Variants in ARL6IP6 observed in about 807,000 individuals in gnomAD.
The protein encoded by ARL6IP6 is ADP-ribosylation factor-like protein 6-interacting protein 6.
A neutral mutation model predicts 21.5 loss-of-function variants in ARL6IP6; 22 were observed. The observed-to-expected ratio is 1.02, with a 90% CI of 0.73 to 1.46. ARL6IP6 has a LOEUF of 1.46. Among genes scored for constraint, ARL6IP6 ranks in the 40% most tolerant of loss-of-function variants. The pLI is 0.00. For missense variants in ARL6IP6, 388 were observed against 299.8 expected (o/e 1.29, Z -2.17); for synonymous variants, 164 against 125.3 (o/e 1.31, Z -2.06).
Position 152,760,506 on chromosome 2 carries a change from A to G in ARL6IP6, c.*666A>G, listed in dbSNP as rs929458603. ...TTATTTTTTTAGCTAGTGCAAACCT[A>G]GTACCTGCCATTTTTACTAATTTTT... On this transcript the variant is annotated 3_prime_UTR_variant, in exon 4 of 4. Transcript: ENST00000326446. 1.3e-5 allele frequency: 2 copies of G among 151,978 alleles called. No individual in the cohort carries two copies. The allele number at this position is 151,978 out of a possible 1,614,324, so 9.4% of individuals were successfully genotyped here.
intron 3 of ARL6IP6, among the ~76,000 whole-genome samples, chr2:152,739,007 G>C (rs1700681979): frequency 6.6e-6 from 1 of 151,072 alleles, no homozygotes; most frequent in Admixed American, 6.6e-5. Flanking sequence ...TTGGGAGATG[G>C]AGTCTTGCTC....
At chr2:152,736,799 ATTTAC>A (rs1039713153) in intron 3 of ARL6IP6, among the ~76,000 whole-genome samples, 2 of 152,230 alleles carry the variant, frequency 1.3e-5, no homozygotes, top group Non-Finnish European at 2.9e-5. Context: ...TTTACACAGC[ATTTAC>A]TTTATATTAG....
chr2:152,759,074 GT>G (rs1701714356), intron 3 of ARL6IP6, among the ~76,000 whole-genome samples: 1 of 152,150 alleles, frequency 6.6e-6, no homozygotes, highest in African/African-American at 2.4e-5. Flanking sequence ...AATACAGTTA[GT>G]GGGAAAAACT....
chr2:152,730,589 G>T (rs1445520434), intron 2 of ARL6IP6, among the ~76,000 whole-genome samples: 1 of 152,026 alleles, frequency 6.6e-6, no homozygotes, highest in Admixed American at 6.6e-5. Context: ...GTTATTCTAA[G>T]GTTCTGTTCA....
At chr2:152,729,218 GA>G in intron 2 of ARL6IP6, among the ~76,000 whole-genome samples, 1 of 151,840 alleles carries the variant, frequency 6.6e-6, no homozygotes, top group East Asian at 1.9e-4. Flanking sequence ...AAAAATACAA[GA>G]ATTAGCTGGG....
intron 3 of ARL6IP6, among the ~76,000 whole-genome samples, chr2:152,745,644 A>G (rs1701009906): frequency 6.6e-6 from 1 of 152,208 alleles, no homozygotes; most frequent in Non-Finnish European, 1.5e-5. Flanking sequence ...CTTTATTGCC[A>G]TGAACTAATG....
Position 152,741,936 on chromosome 2 carries a change from T to C in ARL6IP6, c.587+6810T>C, listed in dbSNP as rs149634431. On this transcript the variant is annotated intron_variant, in intron 3 of 3. Coordinates refer to ENST00000326446, the MANE Select transcript of ARL6IP6 (RefSeq NM_152522.7). ...GTCTTGTTTTGGTTGTTATTAAAGG[T>C]TTGTTAACAGTGTTAAAGAACAAGA... is the stretch of plus-strand genomic sequence containing the variant. Among the ~76,000 whole-genome samples, 726 of 152,298 alleles carry C rather than the reference T, an allele frequency of 4.8e-3. 4 individuals are homozygous for C. The highest frequency in any genetic ancestry group is 0.016 in the African/African-American group (675 of 41,566).
chr2:152,717,730 C>T, upstream of ARL6IP6: 2 of 1,340,928 alleles, frequency 1.5e-6, no homozygotes, highest in South Asian at 1.6e-5. Context: ...ACAACAGTGT[C>T]CCAGCTTCCC....
chr2:152,759,761 ATTCT>A lies in ARL6IP6; in HGVS notation c.606_609del (p.Phe203ThrfsTer9), dbSNP rs1391753074. 5 of 1,613,054 alleles carry A rather than the reference ATTCT, an allele frequency of 3.1e-6. No homozygotes were observed. Among genetic ancestry groups the A allele is most frequent in the Non-Finnish European group, 4.2e-6 (5 of 1,179,246 alleles). ...TTTTTTTCTAGGAAACTGACTGGAC[ATTCT>A]TTCCACATGGGCTATAGCATGGCGA... is the stretch of plus-strand genomic sequence containing the variant. On this transcript the variant is annotated frameshift_variant, in exon 4 of 4. Coordinates refer to ENST00000326446, the MANE Select transcript of ARL6IP6 (RefSeq NM_152522.7). LOFTEE classifies it high-confidence loss of function.
At chr2:152,737,843 CT>C (rs200266245) in intron 3 of ARL6IP6, among the ~76,000 whole-genome samples, 1,770 of 152,236 alleles carry the variant, frequency 0.012, 33 homozygotes, top group African/African-American at 0.04. Context: ...CATTCTGCCC[CT>C]GACCTCTCCC....
At chr2:152,749,307 ACAC>A (rs1701203629) in intron 3 of ARL6IP6, among the ~76,000 whole-genome samples, 1 of 81,082 alleles carries the variant, frequency 1.2e-5, no homozygotes, top group Admixed American at 1.6e-4. Flanking sequence ...AGAAACACAC[ACAC>A]AAAAACACAC....
At chr2:152,758,325 T>G (rs1308272648) in intron 3 of ARL6IP6, among the ~76,000 whole-genome samples, 2 of 152,120 alleles carry the variant, frequency 1.3e-5, no homozygotes, top group Non-Finnish European at 2.9e-5. Context: ...ATATTCTACC[T>G]GCTTGGTTCA....
At chr2:152,754,984 G>A (rs933714472) in intron 3 of ARL6IP6, among the ~76,000 whole-genome samples, 1 of 152,116 alleles carries the variant, frequency 6.6e-6, no homozygotes, top group African/African-American at 2.4e-5. Context: ...GATCATAGAT[G>A]TGATTATATA....
rs924702709 is a variant in ARL6IP6, at chr2:152,720,718, C to T, written c.454+132C>T. 3.8e-6 allele frequency: 3 copies of T among 791,090 alleles called. No homozygotes were observed. In the African/African-American group the frequency reaches 5.2e-5, roughly 14 times the overall value. The allele number at this position is 791,090 out of a possible 1,614,324, so 49.0% of individuals were successfully genotyped here. ...GTCATTCAGTCTTGTTTTTAATTTGCATATGTTGGTGATAAATGTTATTAG... is the reference window on the plus strand; with the variant it reads ...GTCATTCAGTCTTGTTTTTAATTTGTATATGTTGGTGATAAATGTTATTAG... On this transcript the variant is annotated intron_variant, in intron 2 of 3. Coordinates refer to ENST00000326446, the MANE Select transcript of ARL6IP6 (RefSeq NM_152522.7).
rs1010402041 is a variant in ARL6IP6 at position 152,762,170 on chromosome 2, T to C, written c.*2330T>C. Among the ~76,000 whole-genome samples the C allele has an allele frequency of 6.6e-5, 10 of 152,184 alleles. No homozygotes were observed. The highest frequency in any genetic ancestry group is 1.2e-4 in the Non-Finnish European group (8 of 68,036). On this transcript the variant is annotated 3_prime_UTR_variant, in exon 4 of 4. Coordinates refer to ENST00000326446, the MANE Select transcript of ARL6IP6 (RefSeq NM_152522.7). ...ATAGAGAAATGACTTCAGTGAAGTATGTCTCTTCCCAGGATTTTTCAGCTT... is the reference window on the plus strand; with the variant it reads ...ATAGAGAAATGACTTCAGTGAAGTACGTCTCTTCCCAGGATTTTTCAGCTT...
chr2:152,726,883 A>G (rs72858726), intron 2 of ARL6IP6, among the ~76,000 whole-genome samples: 32 of 152,332 alleles, frequency 2.1e-4, no homozygotes, highest in Non-Finnish European at 3.8e-4. Context: ...CCTATTACCA[A>G]TCTAGTTTTA....
chr2:152,718,140 G>C, upstream of ARL6IP6: 1 of 847,710 alleles, frequency 1.2e-6, no homozygotes, highest in Non-Finnish European at 1.4e-6. Flanking sequence ...GCCCTTAATG[G>C]GGGAACCTGG....
At chr2:152,728,353 C>T (rs1427203712) in intron 2 of ARL6IP6, among the ~76,000 whole-genome samples, 1 of 152,098 alleles carries the variant, frequency 6.6e-6, no homozygotes, top group Non-Finnish European at 1.5e-5. Context: ...TAATAGGAAA[C>T]CTTTCCCTAG....
chr2:152,760,091 T>C lies in ARL6IP6; in HGVS notation c.*251T>C. 1 of 306,988 alleles carries C rather than the reference T, an allele frequency of 3.3e-6. No homozygotes were observed. The highest frequency in any genetic ancestry group is 6.0e-6 in the Non-Finnish European group (1 of 165,524). The allele number at this position is 306,988 out of a possible 1,614,324, so 19.0% of individuals were successfully genotyped here. ...TTCTTCAGAGTATAAGATGTTTACC[T>C]CATCTTTTTACTTTTGTGTGTGTAG... On this transcript the variant is annotated 3_prime_UTR_variant, in exon 4 of 4. Transcript: ENST00000326446.
Sources: allele counts gnomAD v4.1 joint callset (sites outside exome capture counted in the v4.1 genomes callset), GRCh38; gene constraint gnomAD v4.1.1; transcripts MANE v1.5; gene names NCBI Gene and HGNC (gene_info 2026-07-23, HGNC 2026-07-21).